Variants in DNAH17 observed in about 807,000 individuals in gnomAD.
DNAH17 encodes axonemal beta dynein heavy chain 17.
Under a neutral mutation model 485.6 loss-of-function variants are expected in DNAH17, and 376 were observed. The ratio of observed to expected loss-of-function variants is 0.77; its 90% CI spans 0.71 to 0.84. The LOEUF is 0.84. Ranked by LOEUF, DNAH17 falls within the 40% of genes least tolerant of loss-of-function variation. The probability of loss-of-function intolerance (pLI) is 0.00; values close to 1 mark genes in which losing one functional copy is unlikely to be tolerated. For missense variants in DNAH17, 6,370 were observed against 5,839.3 expected, an observed-to-expected ratio of 1.09 and a Z score of -2.96; for synonymous variants, 3,031 against 2,405.9, an observed-to-expected ratio of 1.26 and a Z score of -7.60.
intron 14 of DNAH17, among the ~76,000 whole-genome samples, chr17:78,556,416 C>G (rs1364011454): frequency 6.6e-6 from 1 of 152,182 alleles, no homozygotes; most frequent in African/African-American, 2.4e-5. Flanking sequence ...CAGAATGAAA[C>G]AGATCCAGGA....
intron 77 of DNAH17, among the ~76,000 whole-genome samples, chr17:78,428,029 G>A (rs1296310431): frequency 1.3e-5 from 2 of 151,222 alleles, no homozygotes; most frequent in African/African-American, 4.9e-5. Context: ...ACCCAGACAA[G>A]CGAGAATTTG....
At position 78,497,513 on chromosome 17, in the gene DNAH17, G is replaced by A. The variant is rs1049764136; in HGVS notation, c.5746-1481C>T. Among the ~76,000 whole-genome samples the A allele has an allele frequency of 4.6e-5, 7 of 152,218 alleles. 1 individual carries two copies. The highest frequency in any genetic ancestry group is 1.0e-4 in the Non-Finnish European group (7 of 68,040). On this transcript the variant is annotated intron_variant, in intron 37 of 80. Coordinates refer to ENST00000389840, the MANE Select transcript of DNAH17 (RefSeq NM_173628.4). ...CGTGAACATTCAGTGCCCAGAGTAG[G>A]GGCTATATAAATATTCTGGGGTTTG...
chr17:78,442,837 G>A (rs1452365427), intron 71 of DNAH17, among the ~76,000 whole-genome samples: 1 of 152,248 alleles, frequency 6.6e-6, no homozygotes, highest in Non-Finnish European at 1.5e-5. Context: ...CCCAGTGCCT[G>A]TGACCTGAGT....
At position 78,507,262 on chromosome 17, in the gene DNAH17, T is replaced by C. The variant is rs1175411582; in HGVS notation, c.4676+16A>G. ...GCACCACTGACTCCCCTGGTCTGGA[T>C]AGGTGTGAGCCGCACCTCTTCTTCA... On this transcript the variant is annotated intron_variant, in intron 29 of 80. Transcript: ENST00000389840. 1.1e-5 allele frequency: 18 copies of C among 1,613,498 alleles called. No homozygotes were observed. Among genetic ancestry groups the C allele is most frequent in the Admixed American group, 1.7e-5 (1 of 60,018 alleles).
At position 78,493,891 on chromosome 17, in the gene DNAH17, G is replaced by A. The variant is rs1161040606; in HGVS notation, c.6408+145C>T. On this transcript the variant is annotated intron_variant, in intron 41 of 80. Coordinates refer to ENST00000389840, the MANE Select transcript of DNAH17 (RefSeq NM_173628.4). ...CTCCTCGGCCCCCAGCTTCCTCCCTGGCCCATGACTCAGGCCGGAGGGCTC... is the reference window on the plus strand; with the variant it reads ...CTCCTCGGCCCCCAGCTTCCTCCCTAGCCCATGACTCAGGCCGGAGGGCTC... 5 of 1,198,802 alleles carry A rather than the reference G, an allele frequency of 4.2e-6. No homozygotes were observed. In the East Asian group the frequency reaches 1.4e-4, roughly 34 times the overall value. 74.3% of individuals were successfully genotyped at this position (1,198,802 alleles called of 1,614,324 possible).
At chr17:78,555,379 T>C (rs1475238690) in intron 14 of DNAH17, among the ~76,000 whole-genome samples, 2 of 151,868 alleles carry the variant, frequency 1.3e-5, no homozygotes, top group African/African-American at 2.4e-5. Context: ...GCTCCTACCA[T>C]ACCTGGAGTC....
intron 57 of DNAH17, among the ~76,000 whole-genome samples, chr17:78,462,475 T>A (rs2088183425): frequency 6.6e-6 from 1 of 152,070 alleles, no homozygotes; most frequent in Non-Finnish European, 1.5e-5. Flanking sequence ...GAGGAAAGGA[T>A]CCAGGGAGGT....
rs765221920 is a variant in DNAH17, at chr17:78,501,768, C to A, written c.5296G>T (p.Val1766Leu). 6.2e-7 allele frequency: 1 copy of A among 1,613,618 alleles called. No homozygotes were observed. The highest frequency in any genetic ancestry group is 8.5e-7 in the Non-Finnish European group (1 of 1,179,900). Residue 1766 changes from valine (V) to leucine (L), a missense_variant, in exon 34 of 81, where the codon GTG becomes TTG. Coordinates refer to ENST00000389840, the MANE Select transcript of DNAH17 (RefSeq NM_173628.4). ...ICTIDVHARDVVAKMIVAKVE... is the reference protein window; with the variant it reads ...ICTIDVHARDLVAKMIVAKVE... The stretch of plus-strand genomic sequence containing the variant: ...TTGGCCACGATCATTTTGGCCACCA[C>A]GTCCCGTGCGTGCACATCGATGGTG...
chr17:78,444,676 T>C lies in DNAH17; in HGVS notation c.11456A>G (p.Lys3819Arg). The part of the protein sequence containing the change: ...PEKEIFPKEW[K>R]NKTALQKLCM... ...CAGCTTCTGCAGGGCCGTCTTGTTC[T>C]TCCACTCCTTGGGGAAGATCTCCTT... The change falls in exon 71 of 81, where the codon AAG becomes AGG. Residue 3819 changes from lysine (K) to arginine (R), a missense_variant. By Grantham distance (26) the Lys-to-Arg change is conservative. Transcript: ENST00000389840. 11 of 1,610,812 alleles carry C rather than the reference T, an allele frequency of 6.8e-6. No homozygotes were observed. Among genetic ancestry groups the C allele is most frequent in the Non-Finnish European group, 9.3e-6 (11 of 1,178,946 alleles).
Position 78,461,198 on chromosome 17 carries a change from C to T in DNAH17, c.9339+346G>A, listed in dbSNP as rs144777330. Among the ~76,000 whole-genome samples the T allele has an allele frequency of 9.1e-4, 139 of 152,214 alleles. 1 individual carries two copies. The East Asian group carries it at 0.025, about 27-fold the overall frequency. On this transcript the variant is annotated intron_variant, in intron 58 of 80. Coordinates refer to ENST00000389840, the MANE Select transcript of DNAH17 (RefSeq NM_173628.4). ...CAACCCCTCCCATGCTCACGGATCG[C>T]GGGCATTTCGTTACCATGCAGGCCC...
chr17:78,510,666 TGAG>T, intron 26 of DNAH17, 160 bp from the exon 27 acceptor site: 1 of 908,170 alleles, frequency 1.1e-6, no homozygotes. Context: ...CTCTGAGACT[TGAG>T]GAAGTGACTT....
chr17:78,435,433 A>G (rs2086824382), intron 74 of DNAH17, among the ~76,000 whole-genome samples: 3 of 152,014 alleles, frequency 2.0e-5, no homozygotes, highest in Admixed American at 2.0e-4. Context: ...TGAACTTGTG[A>G]AGGGTCTCCT....
rs771558375 is a variant in DNAH17 at position 78,500,295 on chromosome 17, G to A, written c.5640+10C>T. 16 of 1,606,540 alleles carry A rather than the reference G, an allele frequency of 1.0e-5. No individual in the cohort carries two copies. Among genetic ancestry groups the A allele is most frequent in the Middle Eastern group, 1.7e-4 (1 of 6,034 alleles). On this transcript the variant is annotated intron_variant, in intron 36 of 80. Coordinates refer to ENST00000389840, the MANE Select transcript of DNAH17 (RefSeq NM_173628.4). ...ACTCTGGGTCCCTCCTCCGGACCCC[G>A]GCCGCGTACCTTGTAGTCCATCTGC...
chr17:78,475,821 C>T lies in DNAH17; in HGVS notation c.8167G>A (p.Glu2723Lys), dbSNP rs2088988602. The change falls in exon 53 of 81, where the codon GAA becomes AAA. Residue 2723 changes from glutamate to lysine, a missense_variant. Physicochemically the swap from Glu to Lys is moderately conservative, Grantham distance 56. Transcript: ENST00000389840. ...TKKFFDDLGD[E>K]LLFAKPNIFC... ...ATATTTGGCTTGGCAAATAAGAGTT[C>T]ATCACCAAGATCCTAGAAAAAGAAA... 1 of 1,612,482 alleles carries T rather than the reference C, an allele frequency of 6.2e-7. No individual in the cohort carries two copies. The highest frequency in any genetic ancestry group is 8.5e-7 in the Non-Finnish European group (1 of 1,179,470).
intron 13 of DNAH17, among the ~76,000 whole-genome samples, chr17:78,559,175 G>A (rs1023712094): frequency 1.3e-5 from 2 of 152,180 alleles, no homozygotes; most frequent in Non-Finnish European, 2.9e-5. Flanking sequence ...CCAGTGTTGT[G>A]GCTACAAGTA....
Position 78,459,082 on chromosome 17 carries a change from G to C in DNAH17, c.9780C>G (p.Pro3260=), listed in dbSNP as rs767925723. The change falls in exon 61 of 81, where the codon CCC becomes CCG. Residue 3260 remains proline, a synonymous_variant. Coordinates refer to ENST00000389840, the MANE Select transcript of DNAH17 (RefSeq NM_173628.4). The part of the protein sequence containing the change: ...RFYEVYCDVA[P]KRQALEEANA... ...TAGCCTCCTCCAGTGCCTGCCTCTT[G>C]GGCGCCACGTCGCAGTAGACCTCGT... The C allele has an allele frequency of 1.9e-6, 3 of 1,613,900 alleles. No homozygotes were observed. The highest frequency in any genetic ancestry group is 2.2e-5 in the South Asian group (2 of 91,090).
intron 17 of DNAH17, 97 bp downstream of exon 17, chr17:78,543,760 A>G (rs1274951577): frequency 6.4e-7 from 1 of 1,554,416 alleles, no homozygotes; most frequent in African/African-American, 1.4e-5. Context: ...GAAATGTGTC[A>G]CTAATCATTT....
In DNAH17 at chr17:78,530,420, G is replaced by C; in HGVS notation, c.3207C>G (p.Phe1069Leu). 1 of 1,613,744 alleles carries C rather than the reference G, an allele frequency of 6.2e-7. No individual in the cohort carries two copies. The highest frequency in any genetic ancestry group is 1.3e-5 in the African/African-American group (1 of 75,068). Residue 1069 changes from phenylalanine to leucine, a missense_variant, in exon 21 of 81, where the codon TTC becomes TTG. By Grantham distance (22) the Phe-to-Leu change is conservative. Transcript: ENST00000389840. ...HGWLQCDCRPFKQALLSTIRR... is the reference protein window; with the variant it reads ...HGWLQCDCRPLKQALLSTIRR... ...GGATTGTGCTGAGCAGGGCCTGCTT[G>C]AAGGGGCGGCAGTCGCACTGCAGCC...
At chr17:78,562,014 C>A (rs546543665) in intron 11 of DNAH17, 34 bp from the exon 12 acceptor site, 3 of 1,529,914 alleles carry the variant, frequency 2.0e-6, no homozygotes, top group Admixed American at 2.1e-5. Context: ...CTCTTCACCA[C>A]AGTCTCCTCC....
Sources: allele counts gnomAD v4.1 joint callset (sites outside exome capture counted in the v4.1 genomes callset), GRCh38; gene constraint gnomAD v4.1.1; transcripts MANE v1.5; gene names NCBI Gene and HGNC (gene_info 2026-07-23, HGNC 2026-07-21).